Variants in KIAA0319 observed in about 807,000 individuals in gnomAD.
KIAA0319 encodes dyslexia-associated protein KIAA0319.
A neutral mutation model predicts 108.4 loss-of-function variants in KIAA0319; 83 were observed. The ratio of observed to expected loss-of-function variants is 0.77; its 90% confidence interval spans 0.64 to 0.92. KIAA0319 has a LOEUF of 0.92. KIAA0319 is among the 40% of genes least tolerant of loss of function. KIAA0319 has a pLI of 0.00. For synonymous variants in KIAA0319, 484 were observed against 510.4 expected (o/e 0.95, Z 0.70); for missense variants, 1,195 against 1,322.4 (o/e 0.90, Z 1.49).
intron 3 of KIAA0319, 27 bp downstream of exon 3, chr6:24,595,846 C>A (rs776565114): frequency 1.9e-6 from 3 of 1,561,120 alleles, no homozygotes; most frequent in Non-Finnish European, 2.6e-6. Context: ...CCCATCCCAC[C>A]CCCAAGCACA....
At chr6:24,626,481 G>C (rs1415531749) in intron 1 of KIAA0319, among the ~76,000 whole-genome samples, 2 of 152,196 alleles carry the variant, frequency 1.3e-5, no homozygotes, top group Admixed American at 1.3e-4. Flanking sequence ...GCAGTGAGCA[G>C]AGATCGTGCC....
At chr6:24,597,940 A>AAAAAAAAAC (rs1769960474) in intron 2 of KIAA0319, 1 of 146,990 alleles carries the variant, frequency 6.8e-6, no homozygotes, top group African/African-American at 2.6e-5. Flanking sequence ...AAAAAAAAAA[A>AAAAAAAAAC]AAAAAAAAAA....
At chr6:24,639,125 AT>A (rs1776588483) in intron 1 of KIAA0319, among the ~76,000 whole-genome samples, 1 of 152,182 alleles carries the variant, frequency 6.6e-6, no homozygotes, top group Non-Finnish European at 1.5e-5. Context: ...ATGGCAAACA[AT>A]TTTCTAGAAT....
chr6:24,630,064 A>T (rs1285620634), intron 1 of KIAA0319, among the ~76,000 whole-genome samples: 1 of 152,170 alleles, frequency 6.6e-6, no homozygotes, highest in African/African-American at 2.4e-5. Context: ...CTGTGATCCC[A>T]GCTACTCGGG....
chr6:24,577,337 C>T (rs1313118501), intron 9 of KIAA0319, among the ~76,000 whole-genome samples: 2 of 152,198 alleles, frequency 1.3e-5, no homozygotes, highest in East Asian at 3.8e-4. Flanking sequence ...ACTTTTTAAT[C>T]CTTTTCTAGA....
At chr6:24,610,797 C>CATGA (rs1433695128) in intron 1 of KIAA0319, among the ~76,000 whole-genome samples, 1 of 151,820 alleles carries the variant, frequency 6.6e-6, no homozygotes, top group Non-Finnish European at 1.5e-5. Context: ...AAAAATTGTA[C>CATGA]ATGAATGTTC....
chr6:24,620,132 C>T (rs1020622733), intron 1 of KIAA0319, among the ~76,000 whole-genome samples: 2 of 152,122 alleles, frequency 1.3e-5, no homozygotes, highest in African/African-American at 4.8e-5. Flanking sequence ...ACTTGATATT[C>T]AGACATGAAA....
intron 1 of KIAA0319, among the ~76,000 whole-genome samples, chr6:24,604,821 G>T (rs2127541145): frequency 6.6e-6 from 1 of 152,142 alleles, no homozygotes; most frequent in East Asian, 1.9e-4. Context: ...TAGCTTATAA[G>T]TGTTGCTCTT....
chr6:24,564,101 C>T (rs942739872), intron 15 of KIAA0319, 101 bp downstream of exon 15: 1 of 1,459,704 alleles, frequency 6.9e-7, no homozygotes, highest in African/African-American at 1.4e-5. Context: ...CTGGAGCCAG[C>T]CACAGGAGGC....
chr6:24,619,312 C>T (rs541947264), intron 1 of KIAA0319, among the ~76,000 whole-genome samples: 3 of 152,246 alleles, frequency 2.0e-5, no homozygotes, highest in East Asian at 1.9e-4. Context: ...GGTGAGAGGA[C>T]GGTGTCTTGC....
chr6:24,643,505 G>T lies in KIAA0319; in HGVS notation c.-106+2231C>A, dbSNP rs114789701. 6.1e-3 allele frequency among the ~76,000 whole-genome samples: 932 copies of T among 152,124 alleles called. 12 individuals carry two copies. Among genetic ancestry groups the T allele is most frequent in the Middle Eastern group, 0.024 (7 of 294 alleles). ...CTAAAGCAAAGCTCCTTCCTTGGGG[G>T]TATTAAGCTACCAGAATATTAAATT... is the stretch of plus-strand genomic sequence containing the variant. On this transcript the variant is annotated intron_variant, in intron 1 of 20. Coordinates refer to ENST00000378214, the MANE Select transcript of KIAA0319 (RefSeq NM_014809.4).
At chr6:24,621,714 T>C (rs1004327672) in intron 1 of KIAA0319, among the ~76,000 whole-genome samples, 5 of 152,166 alleles carry the variant, frequency 3.3e-5, no homozygotes, top group Non-Finnish European at 7.4e-5. Context: ...ACATCATTAA[T>C]AGACCAATCA....
chr6:24,596,629 A>G lies in KIAA0319; in HGVS notation c.56-11T>C. On this transcript the variant is annotated splice_polypyrimidine_tract_variant and intron_variant, in intron 2 of 20. Transcript: ENST00000378214. ...GCTTACGGGCACAACCTTTAAACAAAGTAGTTTCTAATGAGGGAGAGAGGC... is the reference window on the plus strand; with the variant it reads ...GCTTACGGGCACAACCTTTAAACAAGGTAGTTTCTAATGAGGGAGAGAGGC... The G allele has an allele frequency of 6.3e-7, 1 of 1,581,736 alleles. No homozygotes were observed. The highest frequency in any genetic ancestry group is 8.6e-7 in the Non-Finnish European group (1 of 1,160,284).
rs771949795 is a variant in KIAA0319 at position 24,572,687 on chromosome 6, C to T, written c.1746G>A (p.Thr582=). The change falls in exon 11 of 21, where the codon ACG becomes ACA. Residue 582 remains threonine, a synonymous_variant. Coordinates refer to ENST00000378214, the MANE Select transcript of KIAA0319 (RefSeq NM_014809.4). The part of the protein sequence containing the change: ...GKHVVMQGVQ[T]PYLHLSAMQE... Reference sequence around the variant, plus strand: ...GCATTGCAGATAAATGAAGGTATGGCGTCTGTACTCCCTAAGTAATAGCAA... The same window carrying T: ...GCATTGCAGATAAATGAAGGTATGGTGTCTGTACTCCCTAAGTAATAGCAA... 6.3e-5 allele frequency: 101 copies of T among 1,609,348 alleles called. No homozygotes were observed. Among genetic ancestry groups the T allele is most frequent in the Non-Finnish European group, 7.1e-5 (84 of 1,178,590 alleles).
intron 16 of KIAA0319, among the ~76,000 whole-genome samples, chr6:24,561,444 C>G (rs1763081543): frequency 6.6e-6 from 1 of 152,184 alleles, no homozygotes; most frequent in Non-Finnish European, 1.5e-5. Flanking sequence ...AAGTTCTTCT[C>G]AAGTGAGTTT....
chr6:24,583,784 T>C, intron 4 of KIAA0319, 82 bp from the exon 5 acceptor site: 1 of 866,152 alleles, frequency 1.2e-6, no homozygotes, highest in Non-Finnish European at 1.8e-6. Context: ...CTGTTTTTGG[T>C]ATCCATAAAT....
chr6:24,580,584 T>G (rs1469417005), intron 7 of KIAA0319, among the ~76,000 whole-genome samples: 2 of 152,186 alleles, frequency 1.3e-5, no homozygotes, highest in African/African-American at 4.8e-5. Flanking sequence ...CTCAGTTGAA[T>G]GTATTCAACA....
At chr6:24,566,089 C>G (rs886401006) in intron 14 of KIAA0319, among the ~76,000 whole-genome samples, 5 of 152,178 alleles carry the variant, frequency 3.3e-5, no homozygotes, top group Non-Finnish European at 7.3e-5. Context: ...TCAGAACATT[C>G]TAATGTAGAA....
Position 24,547,241 on chromosome 6 carries a change from CT to C in KIAA0319, c.3142del (p.Arg1048GlufsTer8), listed in dbSNP as rs1371292582. 1.2e-6 allele frequency: 2 copies of C among 1,614,030 alleles called. No homozygotes were observed. The highest frequency in any genetic ancestry group is 1.7e-6 in the Non-Finnish European group (2 of 1,179,972). On this transcript the variant is annotated frameshift_variant, in exon 21 of 21. Transcript: ENST00000378214. LOFTEE classifies it low-confidence loss of function (END_TRUNC). ...DTIFSREKME[R>X]GNPKVSMNGS... is the part of the protein sequence containing the mutation. Reference sequence around the variant, plus strand: ...ATTCATGGAAACCTTTGGATTCCCTCTCTCCATCTTTTCTCGGCTGAAGATT... The same window carrying C: ...ATTCATGGAAACCTTTGGATTCCCTCCTCCATCTTTTCTCGGCTGAAGATT...
Sources: gnomAD v4.1 joint callset for allele counts (sites outside exome capture counted in the v4.1 genomes callset) on GRCh38, gnomAD v4.1.1 for gene constraint, MANE v1.5 for transcripts, NCBI Gene and HGNC (gene_info 2026-07-23, HGNC 2026-07-21) for gene names.